The following IGF2BP2 variants were observed in gnomAD, a reference collection of about 807,000 sequenced individuals.
IGF2BP2 encodes insulin-like growth factor 2 mRNA-binding protein 2.
Under a neutral mutation model 75.8 loss-of-function variants are expected in IGF2BP2, and 17 were observed. The ratio of observed to expected loss-of-function variants is 0.22; its 90% CI spans 0.15 to 0.34. The LOEUF is 0.34. Ranked by LOEUF, IGF2BP2 falls within the 10% of genes least tolerant of loss-of-function variation. The probability of loss-of-function intolerance (pLI) is 1.00; values close to 1 mark genes in which losing one functional copy is unlikely to be tolerated. For synonymous variants in IGF2BP2, 288 were observed against 295.6 expected (o/e 0.97, Z 0.26); for missense variants, 516 against 772.4 (o/e 0.67, Z 3.93).
intron 3 of IGF2BP2, 127 bp downstream of exon 3, chr3:185,698,172 G>T: frequency 1.3e-6 from 1 of 756,840 alleles, no homozygotes; most frequent in South Asian, 1.7e-5. Context: ...TTAGGGTACT[G>T]AAAAGAAAGA....
intron 2 of IGF2BP2, among the ~76,000 whole-genome samples, chr3:185,729,467 C>T (rs1348030190): frequency 6.6e-6 from 1 of 152,166 alleles, no homozygotes; most frequent in African/African-American, 2.4e-5. Flanking sequence ...CTTTTATTTA[C>T]TATTATGAGC....
Position 185,823,064 on chromosome 3 carries a change from C to A in IGF2BP2, c.239+89G>T, listed in dbSNP as rs1741567053. ...CAAACAAAAGCCCCTTTAAAAACTA[C>A]CAAGAGCACGTTTTTTAAAGCTGTG... On this transcript the variant is annotated intron_variant, in intron 2 of 15. Coordinates refer to ENST00000382199, the MANE Select transcript of IGF2BP2 (RefSeq NM_006548.6). The A allele has an allele frequency of 1.4e-5, 11 of 782,656 alleles. 1 individual carries two copies. Among genetic ancestry groups the A allele is most frequent in the Middle Eastern group, 3.7e-4 (1 of 2,694 alleles). The allele number at this position is 782,656 out of a possible 1,614,324, so 48.5% of individuals were successfully genotyped here.
chr3:185,653,959 C>T (rs1715022886), intron 12 of IGF2BP2, among the ~76,000 whole-genome samples: 1 of 152,184 alleles, frequency 6.6e-6, no homozygotes, highest in South Asian at 2.1e-4. Flanking sequence ...GGGAAGACCT[C>T]CACCTCCAGA....
chr3:185,821,704 A>G (rs1741401299), intron 2 of IGF2BP2, among the ~76,000 whole-genome samples: 3 of 152,150 alleles, frequency 2.0e-5, no homozygotes, highest in African/African-American at 4.8e-5. Context: ...AGAATTAGAC[A>G]TTTATAGAAA....
intron 2 of IGF2BP2, among the ~76,000 whole-genome samples, chr3:185,782,882 G>A: frequency 6.6e-6 from 1 of 152,286 alleles, no homozygotes; most frequent in East Asian, 1.9e-4. Flanking sequence ...CACCTGAGAT[G>A]TTCTCCCAAA....
At chr3:185,680,751 C>G (rs1011941413) in intron 7 of IGF2BP2, among the ~76,000 whole-genome samples, 6 of 152,030 alleles carry the variant, frequency 3.9e-5, no homozygotes, top group African/African-American at 1.2e-4. Flanking sequence ...CAAGACCAGG[C>G]TGGGAAACGT....
At chr3:185,727,021 C>A (rs868594579) in intron 2 of IGF2BP2, among the ~76,000 whole-genome samples, 11 of 152,170 alleles carry the variant, frequency 7.2e-5, no homozygotes, top group Middle Eastern at 3.4e-3. Flanking sequence ...GAGTTTGAAA[C>A]CAGCCTGGCC....
chr3:185,725,476 C>G (rs951323552), intron 2 of IGF2BP2, among the ~76,000 whole-genome samples: 4 of 151,710 alleles, frequency 2.6e-5, no homozygotes, highest in Non-Finnish European at 5.9e-5. Flanking sequence ...TGTGGGGGGT[C>G]GACAAAAAGA....
chr3:185,691,705 G>A (rs1296685144), intron 5 of IGF2BP2, among the ~76,000 whole-genome samples: 2 of 152,028 alleles, frequency 1.3e-5, no homozygotes, highest in Admixed American at 1.3e-4. Flanking sequence ...CTCCCAAGTA[G>A]CTGGGATTAT....
intron 2 of IGF2BP2, among the ~76,000 whole-genome samples, chr3:185,740,036 C>T (rs1049970428): frequency 6.6e-6 from 1 of 151,774 alleles, no homozygotes; most frequent in Non-Finnish European, 1.5e-5. Flanking sequence ...TTAGTACAGA[C>T]GGGGTTGTGC....
At position 185,644,689 on chromosome 3, in the gene IGF2BP2, TAAAC is replaced by T. The variant is rs1390442014; in HGVS notation, c.*838_*841del. The T allele has an allele frequency of 6.7e-6, 1 of 148,346 alleles. No individual in the cohort carries two copies. The highest frequency in any genetic ancestry group is 2.1e-4 in the South Asian group (1 of 4,738). The allele number at this position is 148,346 out of a possible 1,614,324, so 9.2% of individuals were successfully genotyped here. On this transcript the variant is annotated 3_prime_UTR_variant, in exon 16 of 16. Transcript: ENST00000382199. ...AAGGGGAGGGGAGGGAGGGGAGAGATAAACAGAGAGAGACAGAGAATTATATAGC... is the reference window on the plus strand; with the variant it reads ...AAGGGGAGGGGAGGGAGGGGAGAGATAGAGAGAGACAGAGAATTATATAGC...
chr3:185,802,593 A>G (rs1384954292), intron 2 of IGF2BP2, among the ~76,000 whole-genome samples: 1 of 152,192 alleles, frequency 6.6e-6, no homozygotes, highest in Non-Finnish European at 1.5e-5. Flanking sequence ...ACATTTTTTA[A>G]ATTATTCACA....
At chr3:185,763,969 T>A (rs1368037153) in intron 2 of IGF2BP2, among the ~76,000 whole-genome samples, 1 of 152,122 alleles carries the variant, frequency 6.6e-6, no homozygotes, top group African/African-American at 2.4e-5. Context: ...TGCTGCTGTT[T>A]CTTGGAGTGA....
At chr3:185,716,261 C>T (rs1306561104) in intron 2 of IGF2BP2, among the ~76,000 whole-genome samples, 2 of 152,058 alleles carry the variant, frequency 1.3e-5, no homozygotes, top group Non-Finnish European at 2.9e-5. Context: ...CTTATTCCGA[C>T]AATGATTCCT....
chr3:185,741,012 G>T (rs558939227), intron 2 of IGF2BP2, among the ~76,000 whole-genome samples: 16 of 152,178 alleles, frequency 1.1e-4, no homozygotes, highest in Non-Finnish European at 1.3e-4. Context: ...GAGTAGCTGG[G>T]ATTATAGGCA....
In IGF2BP2 at chr3:185,823,229, T is replaced by C; in HGVS notation, c.179-16A>G. On this transcript the variant is annotated splice_polypyrimidine_tract_variant and intron_variant, in intron 1 of 15. Transcript: ENST00000382199. ...TCCACTTTACCTTTAAAACAGAAAT[T>C]AAAGCACTCAGAACCTTGCTTAGAT... 1.2e-6 allele frequency: 2 copies of C among 1,600,704 alleles called. No individual in the cohort carries two copies. The highest frequency in any genetic ancestry group is 2.2e-5 in the East Asian group (1 of 44,516).
intron 2 of IGF2BP2, among the ~76,000 whole-genome samples, chr3:185,791,950 T>C (rs1736696112): frequency 1.3e-5 from 2 of 152,190 alleles, no homozygotes; most frequent in African/African-American, 4.8e-5. Context: ...GGGGATCTTC[T>C]AGGACGGTAA....
intron 2 of IGF2BP2, among the ~76,000 whole-genome samples, chr3:185,735,782 T>C (rs922461575): frequency 2.6e-5 from 4 of 152,170 alleles, no homozygotes; most frequent in Non-Finnish European, 2.9e-5. Flanking sequence ...TACCTTTTCA[T>C]TTCCATCACC....
intron 2 of IGF2BP2, among the ~76,000 whole-genome samples, chr3:185,734,974 G>T (rs1005272083): frequency 6.6e-6 from 1 of 152,120 alleles, no homozygotes; most frequent in African/African-American, 2.4e-5. Flanking sequence ...CGAAGACAGC[G>T]TTGTAACATG....
Sources: allele counts gnomAD v4.1 joint callset (sites outside exome capture counted in the v4.1 genomes callset), GRCh38; gene constraint gnomAD v4.1.1; transcripts MANE v1.5; gene names NCBI Gene and HGNC (gene_info 2026-07-23, HGNC 2026-07-21).